MAP1B: variants seen among roughly 807,000 people sequenced by gnomAD.
MAP1B encodes the protein microtubule associated protein 1B, also known as microtubule-associated protein 1B.
Under a neutral mutation model 176.1 loss-of-function variants are expected in MAP1B, and 12 were observed. The ratio of observed to expected loss-of-function variants is 0.07; its 90% CI spans 0.04 to 0.11. The LOEUF is 0.11. Among genes scored for constraint, MAP1B ranks in the 10% least tolerant of loss-of-function variants. The pLI is 1.00. For missense variants in MAP1B, 2,523 were observed against 2,990.5 expected (o/e 0.84, Z 3.65); for synonymous variants, 1,044 against 1,135.0 (o/e 0.92, Z 1.61).
intron 2 of MAP1B, among the ~76,000 whole-genome samples, chr5:72,167,316 C>T (rs1746451160): frequency 6.6e-6 from 1 of 152,058 alleles, no homozygotes; most frequent in Admixed American, 6.6e-5. Context: ...AAAAATTTTA[C>T]CCCCAAGGAC....
Position 72,191,619 on chromosome 5 carries a change from G to A in MAP1B, c.511-2247G>A, listed in dbSNP as rs551563624. ...TCCATCTGTCTGTTTTATGACTGAG[G>A]GCTCTGTCCAGCCCTGTCTCTGCAT... On this transcript the variant is annotated intron_variant, in intron 4 of 6. Coordinates refer to ENST00000296755, the MANE Select transcript of MAP1B (RefSeq NM_005909.5). Among the ~76,000 whole-genome samples, 20 of 152,260 alleles carry A rather than the reference G, an allele frequency of 1.3e-4. 1 individual carries two copies. Among genetic ancestry groups the A allele is most frequent in the African/African-American group, 4.8e-4 (20 of 41,560 alleles).
Position 72,196,200 on chromosome 5 carries a change from G to C in MAP1B, c.2845G>C (p.Glu949Gln). 1 of 1,613,576 alleles carries C rather than the reference G, an allele frequency of 6.2e-7. No individual in the cohort carries two copies. ...AGACTATGAAGAGAAGGCAGAAACT[G>C]AGGAGGCTGAGGAGCCAGAAGAGGA... is the stretch of plus-strand genomic sequence containing the variant. ...TGDYEEKAET[E>Q]EAEEPEEDGE... is the part of the protein sequence containing the mutation. The change falls in exon 5 of 7, where the codon GAG becomes CAG. Residue 949 changes from glutamate to glutamine, a missense_variant. By Grantham distance (29) the Glu-to-Gln change is conservative (BLOSUM62 2). This residue lies in a region of MAP1B where 1,925 missense variants were observed against 2,126.0 expected (regional missense o/e 0.91). Coordinates refer to ENST00000296755, the MANE Select transcript of MAP1B (RefSeq NM_005909.5). This position sits in a 1 kb window ranked among gnomAD's most constrained non-coding sequence, Gnocchi z 5.3.
Position 72,195,774 on chromosome 5 carries a change from G to A in MAP1B, c.2419G>A (p.Ala807Thr), listed in dbSNP as rs1420850690. The A allele has an allele frequency of 1.2e-6, 2 of 1,614,156 alleles. No individual in the cohort carries two copies. The highest frequency in any genetic ancestry group is 1.7e-6 in the Non-Finnish European group (2 of 1,180,060). ...TGTCGGCACTGGAGCCACCACAGCA[G>A]CTGTCATGGCGGCAGCTGGAATAGC... ...AAVGTGATTA[A>T]VMAAAGIAAI... Residue 807 changes from alanine (A) to threonine (T), a missense_variant, in exon 5 of 7, where the codon GCT (alanine) becomes ACT (threonine). Coordinates refer to ENST00000296755, the MANE Select transcript of MAP1B (RefSeq NM_005909.5).
chr5:72,107,796 C>T, intron 1 of MAP1B, 81 bp downstream of exon 1: 1 of 1,456,498 alleles, frequency 6.9e-7, no homozygotes, highest in East Asian at 2.4e-5. Context: ...GGTCACTGCG[C>T]TCCTCCCGCG....
chr5:72,135,868 T>C (rs1372444945), intron 2 of MAP1B, among the ~76,000 whole-genome samples: 1 of 152,210 alleles, frequency 6.6e-6, no homozygotes, highest in Admixed American at 6.5e-5. Context: ...TCCAATTACC[T>C]AGATGATTAT....
chr5:72,115,203 A>G (rs6864163), intron 1 of MAP1B, among the ~76,000 whole-genome samples: 131 of 152,326 alleles, frequency 8.6e-4, no homozygotes, highest in African/African-American at 2.9e-3. Context: ...TTACACATGT[A>G]TACTACCAGA....
chr5:72,177,374 G>T (rs1384414102), intron 2 of MAP1B, among the ~76,000 whole-genome samples: 1 of 152,112 alleles, frequency 6.6e-6, no homozygotes, highest in African/African-American at 2.4e-5. Context: ...TGATGTGGTG[G>T]GATGGAGGGG....
chr5:72,131,395 A>G (rs1745730225), intron 2 of MAP1B, among the ~76,000 whole-genome samples: 1 of 152,142 alleles, frequency 6.6e-6, no homozygotes, highest in South Asian at 2.1e-4. Flanking sequence ...TTTTATAGGT[A>G]TAGAGTACGC....
Position 72,197,764 on chromosome 5 carries a change from A to G in MAP1B, c.4409A>G (p.Glu1470Gly). The G allele has an allele frequency of 6.2e-7, 1 of 1,614,238 alleles. No individual in the cohort carries two copies. Residue 1470 changes from glutamate to glycine, a missense_variant, in exon 5 of 7, where the codon GAA becomes GGA. Physicochemically the swap from Glu to Gly is moderately conservative, Grantham distance 98. This residue lies in a region of MAP1B where 1,925 missense variants were observed against 2,126.0 expected (regional missense o/e 0.91). Transcript: ENST00000296755. ...GKSTDFAPIK[E>G]DFGQEKKTDD... ...AGCACAGACTTTGCACCAATAAAAGAAGACTTTGGCCAAGAAAAGAAAACT... is the reference window on the plus strand; with the variant it reads ...AGCACAGACTTTGCACCAATAAAAGGAGACTTTGGCCAAGAAAAGAAAACT...
intron 2 of MAP1B, among the ~76,000 whole-genome samples, chr5:72,116,872 C>T (rs1255346625): frequency 2.0e-5 from 3 of 152,046 alleles, no homozygotes; most frequent in Admixed American, 6.6e-5. Flanking sequence ...TTCCATTAGT[C>T]GTGTATATAC....
intron 2 of MAP1B, among the ~76,000 whole-genome samples, chr5:72,143,694 T>C (rs1390567773): frequency 3.9e-5 from 6 of 152,146 alleles, no homozygotes; most frequent in Admixed American, 3.3e-4. Context: ...AGAAATGTAT[T>C]GTCTCACATT....
Position 72,196,484 on chromosome 5 carries a change from C to T in MAP1B, c.3129C>T (p.Asp1043=). 2.5e-6 allele frequency: 4 copies of T among 1,613,782 alleles called. No individual in the cohort carries two copies. The highest frequency in any genetic ancestry group is 3.4e-6 in the Non-Finnish European group (4 of 1,180,024). The change falls in exon 5 of 7, where the codon GAC becomes GAT. Residue 1043 remains aspartate, a synonymous_variant. Coordinates refer to ENST00000296755, the MANE Select transcript of MAP1B (RefSeq NM_005909.5). This position sits in a 1 kb window ranked among gnomAD's most constrained non-coding sequence, Gnocchi z 5.3. Reference sequence around the variant, plus strand: ...AGCCGGAAAAAATGGAAGCTGAAGACTATGTGATGGCTGTGGTCGACAAGG... The same window carrying T: ...AGCCGGAAAAAATGGAAGCTGAAGATTATGTGATGGCTGTGGTCGACAAGG... ...EYEPEKMEAE[D]YVMAVVDKAA...
rs370817565 is a variant in MAP1B at position 72,198,389 on chromosome 5, C to T, written c.5034C>T (p.His1678=). The part of the protein sequence containing the change: ...DHPTVGAGVL[H]ITENGPTEVD... The stretch of plus-strand genomic sequence containing the variant: ...CTACAGTGGGTGCAGGCGTGCTTCA[C>T]ATCACTGAAAATGGGCCAACTGAAG... Residue 1678 remains histidine (H), a synonymous_variant, in exon 5 of 7, where the codon CAC becomes CAT. Coordinates refer to ENST00000296755, the MANE Select transcript of MAP1B (RefSeq NM_005909.5). The T allele has an allele frequency of 3.8e-5, 62 of 1,614,042 alleles. No homozygotes were observed. The highest frequency in any genetic ancestry group is 4.8e-5 in the Non-Finnish European group (57 of 1,180,016).
chr5:72,134,421 A>G (rs1007599492), intron 2 of MAP1B, among the ~76,000 whole-genome samples: 5 of 152,146 alleles, frequency 3.3e-5, no homozygotes, highest in Admixed American at 3.3e-4. Flanking sequence ...AGCAGACATT[A>G]CATTTGTCTC....
intron 2 of MAP1B, among the ~76,000 whole-genome samples, chr5:72,149,874 C>G (rs73761725): frequency 6.6e-6 from 1 of 152,198 alleles, no homozygotes; most frequent in Non-Finnish European, 1.5e-5. Context: ...GCTGGCTTCT[C>G]TATGCATATT....
At chr5:72,139,988 G>T (rs139604545) in intron 2 of MAP1B, among the ~76,000 whole-genome samples, 7,394 of 151,894 alleles carry the variant, frequency 0.049, 242 homozygotes, top group Non-Finnish European at 0.076. Flanking sequence ...TTGAGACAGG[G>T]TCTTGTTCTG....
chr5:72,185,360 G>A (rs1437873669), intron 3 of MAP1B, among the ~76,000 whole-genome samples: 4 of 152,100 alleles, frequency 2.6e-5, no homozygotes, highest in Admixed American at 2.6e-4. Context: ...TAACAGAATC[G>A]GGAAGTAATT....
intron 2 of MAP1B, among the ~76,000 whole-genome samples, chr5:72,181,115 G>T (rs917227136): frequency 1.3e-5 from 2 of 152,206 alleles, no homozygotes; most frequent in East Asian, 3.8e-4. Context: ...AGCCATGTAT[G>T]TGAAGTCTTA....
rs1747291807 is a variant in MAP1B, at chr5:72,199,916, C to T, written c.6561C>T (p.Ile2187=). ...NIDSEDESET[I]PTDKTVTYKH... Reference sequence around the variant, plus strand: ...ACTCTGAAGACGAGTCGGAAACCATCCCCACAGACAAAACTGTCACGTACA... The same window carrying T: ...ACTCTGAAGACGAGTCGGAAACCATTCCCACAGACAAAACTGTCACGTACA... Residue 2187 remains isoleucine (I), a synonymous_variant, in exon 5 of 7, where the codon ATC becomes ATT. Coordinates refer to ENST00000296755, the MANE Select transcript of MAP1B (RefSeq NM_005909.5). The surrounding 1 kb of genome is among the most constrained non-coding windows in gnomAD (Gnocchi z 4.2). The T allele has an allele frequency of 6.2e-7, 1 of 1,614,038 alleles. No individual in the cohort carries two copies. The highest frequency in any genetic ancestry group is 1.1e-5 in the South Asian group (1 of 91,078).
Sources: allele counts gnomAD v4.1 joint callset (sites outside exome capture counted in the v4.1 genomes callset), GRCh38; gene constraint gnomAD v4.1.1; regional missense constraint gnomAD v4.1.1; non-coding constraint Gnocchi (gnomAD v3.1); transcripts MANE v1.5; gene names NCBI Gene and HGNC (gene_info 2026-07-23, HGNC 2026-07-21).